The following DIP2B variants were observed in gnomAD, a reference collection of about 807,000 sequenced individuals.
The protein encoded by DIP2B is disco-interacting protein 2 homolog B.
DIP2B carries 76 observed loss-of-function variants against 198.0 expected under a neutral mutation model. The observed-to-expected ratio is 0.38, with a 90% CI of 0.32 to 0.46. The LOEUF is 0.46. Among genes scored for constraint, DIP2B ranks in the 20% least tolerant of loss-of-function variants. The pLI is 0.99. For missense variants in DIP2B, 1,559 were observed against 1,978.4 expected (o/e 0.79, Z 4.02); for synonymous variants, 701 against 739.1 (o/e 0.95, Z 0.84).
intron 1 of DIP2B, among the ~76,000 whole-genome samples, chr12:50,516,213 ATC>A (rs68059796): frequency 0.027 from 3,524 of 128,218 alleles, 69 homozygotes; most frequent in African/African-American, 0.064. Flanking sequence ...TAGAGGCACC[ATC>A]TCTCTCTCTC....
rs539654517 is a variant in DIP2B at position 50,743,914 on chromosome 12, C to T, written c.4479-673C>T. 1.1e-4 allele frequency among the ~76,000 whole-genome samples: 17 copies of T among 152,322 alleles called. 1 individual carries two copies. In the South Asian group the frequency reaches 1.9e-3, roughly 17 times the overall value. ...TATGGGCATTCCCTTCTTTCTTTTT[C>T]GCCTCCCTGAAGAGGGATTCTCTCT... On this transcript the variant is annotated intron_variant, in intron 37 of 37. Transcript: ENST00000301180.
rs1939833448 is a variant in DIP2B, at chr12:50,721,377, G to A, written c.3147G>A (p.Val1049=). The change falls in exon 26 of 38, where the codon GTG becomes GTA. Residue 1049 remains valine, a synonymous_variant. Transcript: ENST00000301180. ...GACATCTAAATGCAGGAGATAATGT[G>A]GTGTTGCTCTATCCACCTGGTAAGC... ...DKGHLNAGDN[V]VLLYPPGIEL... is the part of the protein sequence containing the mutation. The A allele has an allele frequency of 2.5e-6, 4 of 1,613,994 alleles. No homozygotes were observed. The highest frequency in any genetic ancestry group is 1.1e-5 in the South Asian group (1 of 91,080).
At chr12:50,604,866 A>T (rs1260124229) in intron 1 of DIP2B, among the ~76,000 whole-genome samples, 1 of 152,224 alleles carries the variant, frequency 6.6e-6, no homozygotes, top group East Asian at 1.9e-4. Flanking sequence ...AAGAATATAT[A>T]TCAATGAGAG....
rs147863547 is a variant in DIP2B, at chr12:50,697,890, C to T, written c.2049-438C>T. 3.2e-3 allele frequency among the ~76,000 whole-genome samples: 486 copies of T among 151,964 alleles called. 2 individuals carry two copies. Among genetic ancestry groups the T allele is most frequent in the African/African-American group, 0.011 (467 of 41,444 alleles). ...ATTTTGCTGGTTTATGTGTTTACTA[C>T]ACTACATTTTTTTTAAATTTAATTT... On this transcript the variant is annotated intron_variant, in intron 17 of 37. Transcript: ENST00000301180.
At chr12:50,733,056 C>T (rs1284025002) in intron 32 of DIP2B, among the ~76,000 whole-genome samples, 1 of 151,902 alleles carries the variant, frequency 6.6e-6, no homozygotes, top group African/African-American at 2.4e-5. Context: ...CAGGCGTGTA[C>T]CACCACGCCC....
rs905720592 is a variant in DIP2B at position 50,580,689 on chromosome 12, G to A, written c.101-45287G>A. Reference sequence around the variant, plus strand: ...TGAGGCAATTTTGCACCCCTCAACCGTCAGGGTACATTTGGCAAGGTCTAG... The same window carrying A: ...TGAGGCAATTTTGCACCCCTCAACCATCAGGGTACATTTGGCAAGGTCTAG... On this transcript the variant is annotated intron_variant, in intron 1 of 37. Transcript: ENST00000301180. 2.7e-5 allele frequency among the ~76,000 whole-genome samples: 4 copies of A among 147,944 alleles called. 1 individual carries two copies. Among genetic ancestry groups the A allele is most frequent in the African/African-American group, 7.4e-5 (3 of 40,338 alleles).
chr12:50,548,123 G>A (rs1046713147), intron 1 of DIP2B, among the ~76,000 whole-genome samples: 4 of 152,040 alleles, frequency 2.6e-5, no homozygotes, highest in Non-Finnish European at 4.4e-5. Context: ...TAGGAAAAAC[G>A]CATTGATTTT....
In DIP2B at chr12:50,528,230, C is replaced by CT. The variant is rs954160858; in HGVS notation, c.100+23004dup. 4.1e-3 allele frequency among the ~76,000 whole-genome samples: 576 copies of CT among 140,376 alleles called. 3 individuals carry two copies. The highest frequency in any genetic ancestry group is 0.015 in the East Asian group (72 of 4,854). 92.1% of individuals were successfully genotyped at this position (140,376 alleles called of 152,430 possible). ...ACGTGAGCCACTGTGCCTGACCCTTCTTTTTTTTTTTTTTGGTAGTCAGAT... is the reference window on the plus strand; with the variant it reads ...ACGTGAGCCACTGTGCCTGACCCTTCTTTTTTTTTTTTTTTGGTAGTCAGAT... On this transcript the variant is annotated intron_variant, in intron 1 of 37. Coordinates refer to ENST00000301180, the MANE Select transcript of DIP2B (RefSeq NM_173602.3).
Position 50,505,168 on chromosome 12 carries a change from C to G in DIP2B, c.28C>G (p.Pro10Ala). 2 of 1,526,726 alleles carry G rather than the reference C, an allele frequency of 1.3e-6. No individual in the cohort carries two copies. The highest frequency in any genetic ancestry group is 1.8e-6 in the Non-Finnish European group (2 of 1,142,384). The allele number at this position is 1,526,726 out of a possible 1,614,324, so 94.6% of individuals were successfully genotyped here. Reference sequence around the variant, plus strand: ...GGCGGAACGAGGCCTGGAGCCGTCGCCGGCCGCGGTGGCGGCGCTGCCGCC... The same window carrying G: ...GGCGGAACGAGGCCTGGAGCCGTCGGCGGCCGCGGTGGCGGCGCTGCCGCC... MAERGLEPS[P>A]AAVAALPPEV... The change falls in exon 1 of 38, where the codon CCG becomes GCG. Residue 10 changes from proline (P) to alanine (A), a missense_variant. Physicochemically the swap from Pro to Ala is conservative, Grantham distance 27. Coordinates refer to ENST00000301180, the MANE Select transcript of DIP2B (RefSeq NM_173602.3).
At chr12:50,671,440 T>C in intron 5 of DIP2B, 42 bp downstream of exon 5, 4 of 1,598,926 alleles carry the variant, frequency 2.5e-6, no homozygotes, top group Non-Finnish European at 3.4e-6. Flanking sequence ...TTACATTCCA[T>C]TTGGCTCCCA....
At chr12:50,643,587 C>T (rs1245297775) in intron 3 of DIP2B, among the ~76,000 whole-genome samples, 1 of 152,028 alleles carries the variant, frequency 6.6e-6, no homozygotes, top group Non-Finnish European at 1.5e-5. Flanking sequence ...AAAGAGGATG[C>T]AAGCATAGAC....
chr12:50,609,221 G>C (rs35388215), intron 1 of DIP2B, among the ~76,000 whole-genome samples: 1 of 152,184 alleles, frequency 6.6e-6, no homozygotes, highest in South Asian at 2.1e-4. Context: ...AGTTAAATTA[G>C]CTTTTAAAAG....
At position 50,629,357 on chromosome 12, in the gene DIP2B, T is replaced by G. The variant is rs528124562; in HGVS notation, c.172+3310T>G. ...GCCCTCAGAATCACTGGAGGGCTTG[T>G]TAATACACAGACTGCAGGGCCCCAT... On this transcript the variant is annotated intron_variant, in intron 2 of 37. Coordinates refer to ENST00000301180, the MANE Select transcript of DIP2B (RefSeq NM_173602.3). Among the ~76,000 whole-genome samples, 28 of 152,290 alleles carry G rather than the reference T, an allele frequency of 1.8e-4. No homozygotes were observed. The South Asian group carries it at 5.8e-3, about 32-fold the overall frequency.
At chr12:50,663,383 C>T (rs7310507) in intron 4 of DIP2B, among the ~76,000 whole-genome samples, 8,860 of 150,832 alleles carry the variant, frequency 0.059, 459 homozygotes, top group East Asian at 0.3. Context: ...ACAGTGAACC[C>T]CGTCTCTACT....
At chr12:50,675,558 T>G in intron 7 of DIP2B, 110 bp downstream of exon 7, 3 of 1,040,344 alleles carry the variant, frequency 2.9e-6, no homozygotes, top group Non-Finnish European at 2.7e-6. Flanking sequence ...CAGTTCTTGG[T>G]TCAAAGAGTT....
At chr12:50,623,551 TCA>T (rs1331676824) in intron 1 of DIP2B, among the ~76,000 whole-genome samples, 3 of 150,396 alleles carry the variant, frequency 2.0e-5, no homozygotes, top group African/African-American at 7.3e-5. Flanking sequence ...ACACACACTC[TCA>T]CTCACCCAAG....
chr12:50,611,899 A>G (rs1380028855), intron 1 of DIP2B, among the ~76,000 whole-genome samples: 1 of 152,140 alleles, frequency 6.6e-6, no homozygotes, highest in Non-Finnish European at 1.5e-5. Context: ...GCAAAGTAAG[A>G]AAAGAAAAGC....
At chr12:50,638,799 G>C (rs796337334) in intron 2 of DIP2B, among the ~76,000 whole-genome samples, 5 of 151,902 alleles carry the variant, frequency 3.3e-5, no homozygotes, top group African/African-American at 1.2e-4. Context: ...ACCTCTTTTT[G>C]ATGAGGCCTG....
Position 50,720,205 on chromosome 12 carries a change from G to C in DIP2B, c.3043-1068G>C, listed in dbSNP as rs1420605897. Among the ~76,000 whole-genome samples, 5 of 152,122 alleles carry C rather than the reference G, an allele frequency of 3.3e-5. No homozygotes were observed. The East Asian group carries it at 9.7e-4, about 30-fold the overall frequency. On this transcript the variant is annotated intron_variant, in intron 25 of 37. Coordinates refer to ENST00000301180, the MANE Select transcript of DIP2B (RefSeq NM_173602.3). ...GGCCTCCCAAAGTGCTAGGATTATAGGCTTGAGGCACTGTGCCCGGCCTAT... is the reference window on the plus strand; with the variant it reads ...GGCCTCCCAAAGTGCTAGGATTATACGCTTGAGGCACTGTGCCCGGCCTAT...
Sources: allele counts gnomAD v4.1 joint callset (sites outside exome capture counted in the v4.1 genomes callset), GRCh38; gene constraint gnomAD v4.1.1; transcripts MANE v1.5; gene names NCBI Gene and HGNC (gene_info 2026-07-23, HGNC 2026-07-21).